The following GPRIN3 variants were observed in gnomAD, a reference collection of about 807,000 sequenced individuals.
GPRIN3 encodes G protein-regulated inducer of neurite outgrowth 3.
Under a neutral mutation model 13.7 loss-of-function variants are expected in GPRIN3, and 12 were observed. The observed-to-expected ratio is 0.87, with a 90% CI of 0.56 to 1.42. The LOEUF is 1.42. Ranked by LOEUF, GPRIN3 falls within the 40% of genes most tolerant of loss-of-function variation. The probability of loss-of-function intolerance (pLI) is 0.00; values close to 1 mark genes in which losing one functional copy is unlikely to be tolerated. For missense variants in GPRIN3, 1,009 were observed against 958.7 expected (o/e 1.05, Z -0.69); for synonymous variants, 377 against 372.7 (o/e 1.01, Z -0.13).
Position 89,240,131 on chromosome 4 carries a change from GA to G in GPRIN3, c.*7648del, listed in dbSNP as rs1334719386. ...TCGAACAATATCAATTAACTGGTTG[GA>G]ATTATGATAAGCTGACAAATCTTGT... On this transcript the variant is annotated 3_prime_UTR_variant, in exon 2 of 2. Transcript: ENST00000609438. The G allele has an allele frequency of 4.6e-5, 7 of 152,144 alleles. No homozygotes were observed. In the East Asian group the frequency reaches 1.3e-3, roughly 29 times the overall value. 9.4% of individuals were successfully genotyped at this position (152,144 alleles called of 1,614,324 possible).
chr4:89,270,579 A>ATAT (rs1382440810), intron 1 of GPRIN3, among the ~76,000 whole-genome samples: 26 of 101,074 alleles, frequency 2.6e-4, no homozygotes, highest in African/African-American at 1.3e-3. Context: ...ATATATATAT[A>ATAT]TATATATATA....
rs111832689 is a variant in GPRIN3 at position 89,266,669 on chromosome 4, A to G, written c.-123-16436T>C. ...CATTCTTATTCTTAATTACAACTGC[A>G]TCTCCCTATTGTAACAAAATGGAAG... On this transcript the variant is annotated intron_variant, in intron 1 of 1. Coordinates refer to ENST00000609438, the MANE Select transcript of GPRIN3 (RefSeq NM_198281.3). Among the ~76,000 whole-genome samples, 306 of 152,332 alleles carry G rather than the reference A, an allele frequency of 2.0e-3. 12 individuals carry two copies. The South Asian group carries it at 0.056, about 28-fold the overall frequency.
At chr4:89,261,211 G>A (rs1177207187) in intron 1 of GPRIN3, among the ~76,000 whole-genome samples, 1 of 152,182 alleles carries the variant, frequency 6.6e-6, no homozygotes, top group African/African-American at 2.4e-5. Context: ...TAGTGGGGAA[G>A]GGAAGAAAGG....
Position 89,295,380 on chromosome 4 carries a change from C to A in GPRIN3, c.-124+12235G>T, listed in dbSNP as rs944787635. Among the ~76,000 whole-genome samples the A allele has an allele frequency of 2.0e-5, 3 of 152,122 alleles. No homozygotes were observed. In the South Asian group the frequency reaches 6.2e-4, roughly 32 times the overall value. On this transcript the variant is annotated intron_variant, in intron 1 of 1. Transcript: ENST00000609438. ...GCCTTTCATTCAAGGGCTTTAACTT[C>A]AATGTGAAACACAGACAAATATATT... is the stretch of plus-strand genomic sequence containing the variant.
intron 1 of GPRIN3, among the ~76,000 whole-genome samples, chr4:89,260,639 T>C (rs944960799): frequency 3.3e-5 from 5 of 152,218 alleles, no homozygotes; most frequent in African/African-American, 1.2e-4. Flanking sequence ...TAAACTGCTT[T>C]GTAGATGTTC....
At chr4:89,297,821 A>G (rs188210499) in intron 1 of GPRIN3, among the ~76,000 whole-genome samples, 1 of 152,334 alleles carries the variant, frequency 6.6e-6, no homozygotes, top group Admixed American at 6.5e-5. Flanking sequence ...ATCTGACTCA[A>G]GATCATTCCC....
At chr4:89,259,146 A>G (rs1723558898) in intron 1 of GPRIN3, among the ~76,000 whole-genome samples, 2 of 151,630 alleles carry the variant, frequency 1.3e-5, no homozygotes, top group Non-Finnish European at 2.9e-5. Context: ...AGTAACATTT[A>G]GCTAACTTGA....
At chr4:89,274,313 C>G (rs1304589270) in intron 1 of GPRIN3, among the ~76,000 whole-genome samples, 1 of 152,090 alleles carries the variant, frequency 6.6e-6, no homozygotes, top group Non-Finnish European at 1.5e-5. Flanking sequence ...TTGTTGCTAT[C>G]CTTACTAAGG....
chr4:89,273,312 G>A (rs572006304), intron 1 of GPRIN3, among the ~76,000 whole-genome samples: 1 of 152,308 alleles, frequency 6.6e-6, no homozygotes, highest in Non-Finnish European at 1.5e-5. Context: ...CAGTTAATCT[G>A]GAGTCAAACA....
chr4:89,298,543 T>C (rs1023772669), intron 1 of GPRIN3, among the ~76,000 whole-genome samples: 3 of 152,044 alleles, frequency 2.0e-5, no homozygotes, highest in Admixed American at 1.3e-4. Context: ...CATTCTAATT[T>C]TGTTGAACTA....
intron 1 of GPRIN3, among the ~76,000 whole-genome samples, chr4:89,303,573 G>A (rs1724956801): frequency 6.6e-6 from 1 of 151,966 alleles, no homozygotes; most frequent in Non-Finnish European, 1.5e-5. Flanking sequence ...CTCAAAAAAG[G>A]TCAAATATAC....
intron 1 of GPRIN3, among the ~76,000 whole-genome samples, chr4:89,294,063 C>T (rs1724665155): frequency 6.6e-6 from 1 of 152,162 alleles, no homozygotes; most frequent in Non-Finnish European, 1.5e-5. Flanking sequence ...CAATTCCTCT[C>T]AAAACTGGTA....
chr4:89,236,726 G>A lies in GPRIN3; in HGVS notation c.*11054C>T, dbSNP rs1329183382. 3 of 152,110 alleles carry A rather than the reference G, an allele frequency of 2.0e-5. No homozygotes were observed. The highest frequency in any genetic ancestry group is 4.4e-5 in the Non-Finnish European group (3 of 68,020). The allele number at this position is 152,110 out of a possible 1,614,324, so 9.4% of individuals were successfully genotyped here. ...TTCGAAGCTGAGATTTGAACCCAGG[G>A]TCCTTTGATTCCAAGCCCAGATATT... On this transcript the variant is annotated 3_prime_UTR_variant, in exon 2 of 2. Coordinates refer to ENST00000609438, the MANE Select transcript of GPRIN3 (RefSeq NM_198281.3).
chr4:89,294,588 A>C (rs1724678425), intron 1 of GPRIN3, among the ~76,000 whole-genome samples: 1 of 152,212 alleles, frequency 6.6e-6, no homozygotes, highest in South Asian at 2.1e-4. Flanking sequence ...CACACAGATA[A>C]GTCCTTATTA....
rs1722846413 is a variant in GPRIN3, at chr4:89,238,653, T to G, written c.*9127A>C. ...AGTACAGGAAAAACCTCGCGTTTGA[T>G]GACCAGGAGGAATTGTTGATTCTAT... On this transcript the variant is annotated 3_prime_UTR_variant, in exon 2 of 2. Transcript: ENST00000609438. 1 of 151,842 alleles carries G rather than the reference T, an allele frequency of 6.6e-6. No homozygotes were observed. The highest frequency in any genetic ancestry group is 1.5e-5 in the Non-Finnish European group (1 of 67,990). 9.4% of individuals were successfully genotyped at this position (151,842 alleles called of 1,614,324 possible). A position where few individuals can be genotyped will look rare whatever the true frequency, so the allele number is the denominator to read the frequency against.
rs1017878396 is a variant in GPRIN3, at chr4:89,275,997, C to T, written c.-123-25764G>A. Among the ~76,000 whole-genome samples, 3 of 152,152 alleles carry T rather than the reference C, an allele frequency of 2.0e-5. No homozygotes were observed. The East Asian group carries it at 5.8e-4, about 29-fold the overall frequency. On this transcript the variant is annotated intron_variant, in intron 1 of 1. Transcript: ENST00000609438. ...GATTTAATTTCAAGGAAAAGTTCTG[C>T]GAGTTTTACCTGCCTCAAGAGAACT...
intron 1 of GPRIN3, among the ~76,000 whole-genome samples, chr4:89,291,847 T>C (rs1166017497): frequency 4.6e-5 from 7 of 151,310 alleles, no homozygotes; most frequent in South Asian, 4.2e-4. Context: ...TTTTTTTTTT[T>C]TCTCTACTGT....
chr4:89,272,249 G>A (rs531676994), intron 1 of GPRIN3, among the ~76,000 whole-genome samples: 26 of 152,286 alleles, frequency 1.7e-4, no homozygotes, highest in African/African-American at 6.0e-4. Flanking sequence ...CGGGAAGGCT[G>A]TAAAAGTTGG....
intron 1 of GPRIN3, among the ~76,000 whole-genome samples, chr4:89,299,644 G>C (rs918132610): frequency 6.6e-6 from 1 of 152,186 alleles, no homozygotes; most frequent in Non-Finnish European, 1.5e-5. Context: ...TAGCCTCAGA[G>C]AGGGGTTGCA....
Sources: allele counts gnomAD v4.1 joint callset (sites outside exome capture counted in the v4.1 genomes callset), GRCh38; gene constraint gnomAD v4.1.1; transcripts MANE v1.5; gene names NCBI Gene and HGNC (gene_info 2026-07-23, HGNC 2026-07-21).